The following NCOA7 variants were observed in gnomAD, a reference collection of about 807,000 sequenced individuals.
NCOA7 encodes the protein nuclear receptor coactivator 7.
Under a neutral mutation model 104.3 loss-of-function variants are expected in NCOA7, and 45 were observed. That is an observed-to-expected ratio of 0.43 (90% confidence interval 0.34 to 0.55). NCOA7 has a LOEUF of 0.55. Among genes scored for constraint, NCOA7 ranks in the 20% least tolerant of loss-of-function variants. The probability of loss-of-function intolerance (pLI) is 0.02; values close to 1 mark genes in which losing one functional copy is unlikely to be tolerated. For synonymous variants in NCOA7, 398 were observed against 402.3 expected (o/e 0.99, Z 0.13); for missense variants, 1,041 against 1,119.7 (o/e 0.93, Z 1.00).
In NCOA7 at chr6:125,920,935, C is replaced by T. The variant is rs1309455155; in HGVS notation, c.2245-8C>T. The T allele has an allele frequency of 8.7e-6, 14 of 1,611,394 alleles. No individual in the cohort carries two copies. The highest frequency in any genetic ancestry group is 1.2e-5 in the Non-Finnish European group (14 of 1,178,398). ...AGTTATTTTTCTTGGCTTGTTTTCT[C>T]ATTTCAGATCATCACTGTTGAAGAG... On this transcript the variant is annotated splice_polypyrimidine_tract_variant and splice_region_variant and intron_variant, in intron 11 of 15. Coordinates refer to ENST00000392477, the MANE Select transcript of NCOA7 (RefSeq NM_181782.5).
rs1383619109 is a variant in NCOA7, at chr6:125,830,722, T to C, written c.50+15318T>C. ...GCCCTGTGTCTCTCTCTATATATTT[T>C]ATATATATATATATATGTGTGTGTG... On this transcript the variant is annotated intron_variant, in intron 2 of 15. Transcript: ENST00000392477. Among the ~76,000 whole-genome samples, 9 of 47,686 alleles carry C rather than the reference T, an allele frequency of 1.9e-4. No individual in the cohort carries two copies. The East Asian group carries it at 3.6e-3, about 19-fold the overall frequency. The allele number at this position is 47,686 out of a possible 152,430, so 31.3% of individuals were successfully genotyped here.
chr6:125,831,786 C>G (rs1306785069), intron 2 of NCOA7, among the ~76,000 whole-genome samples: 1 of 152,212 alleles, frequency 6.6e-6, no homozygotes, highest in Non-Finnish European at 1.5e-5. Context: ...GTTAGTTTTC[C>G]TTTGCATTGT....
chr6:125,808,509 TGATCC>T (rs1776669003), intron 1 of NCOA7, among the ~76,000 whole-genome samples: 1 of 152,210 alleles, frequency 6.6e-6, no homozygotes, highest in African/African-American at 2.4e-5. Context: ...TTTCCAAAAG[TGATCC>T]ACTTGTCCTG....
chr6:125,828,200 G>C (rs1778828091), intron 2 of NCOA7, among the ~76,000 whole-genome samples: 1 of 152,222 alleles, frequency 6.6e-6, no homozygotes, highest in South Asian at 2.1e-4. Context: ...TGGTGGTCTA[G>C]TACAGAAAGA....
chr6:125,803,390 T>G (rs1776099680), intron 1 of NCOA7, among the ~76,000 whole-genome samples: 1 of 152,182 alleles, frequency 6.6e-6, no homozygotes, highest in Non-Finnish European at 1.5e-5. Flanking sequence ...TGGGTCCTTT[T>G]TATAGTCACA....
At chr6:125,839,425 T>G (rs1779919858) in intron 2 of NCOA7, among the ~76,000 whole-genome samples, 3 of 152,100 alleles carry the variant, frequency 2.0e-5, no homozygotes, top group African/African-American at 7.2e-5. Flanking sequence ...GCCTAGGCCT[T>G]AGTGATTTAA....
chr6:125,795,981 C>T (rs188000356), intron 1 of NCOA7, among the ~76,000 whole-genome samples: 2 of 152,210 alleles, frequency 1.3e-5, no homozygotes, highest in Admixed American at 6.5e-5. Flanking sequence ...AGTTTCTGCA[C>T]GTGGATAGAG....
intron 1 of NCOA7, among the ~76,000 whole-genome samples, chr6:125,811,165 G>C (rs913755854): frequency 5.3e-5 from 8 of 152,162 alleles, no homozygotes; most frequent in African/African-American, 1.7e-4. Context: ...ATCTTTCCTG[G>C]AGTCTGAGGG....
At position 125,921,210 on chromosome 6, in the gene NCOA7, G is replaced by T. The variant is rs576947053; in HGVS notation, c.2370+142G>T. ...GGATCACTTGAGGTCAGGAGTTTGA[G>T]ACCAGACTGGACAACATGGCAAAAC... On this transcript the variant is annotated intron_variant, in intron 12 of 15. Coordinates refer to ENST00000392477, the MANE Select transcript of NCOA7 (RefSeq NM_181782.5). The T allele has an allele frequency of 3.2e-5, 35 of 1,107,882 alleles. No homozygotes were observed. In the Admixed American group the frequency reaches 9.9e-4, roughly 31 times the overall value. 68.6% of individuals were successfully genotyped at this position (1,107,882 alleles called of 1,614,324 possible).
chr6:125,792,097 A>C (rs985939730), intron 1 of NCOA7, among the ~76,000 whole-genome samples: 7 of 152,202 alleles, frequency 4.6e-5, no homozygotes, highest in African/African-American at 1.7e-4. Context: ...AATCTTCTGC[A>C]TCTTATGCAG....
chr6:125,906,752 G>T (rs1488347797), intron 10 of NCOA7, among the ~76,000 whole-genome samples: 2 of 152,140 alleles, frequency 1.3e-5, no homozygotes, highest in Non-Finnish European at 2.9e-5. Flanking sequence ...AAGGCAGAGG[G>T]ATCAGAAGGG....
chr6:125,832,629 G>A (rs1562859728), intron 2 of NCOA7, among the ~76,000 whole-genome samples: 1 of 152,232 alleles, frequency 6.6e-6, no homozygotes, highest in Admixed American at 6.5e-5. Flanking sequence ...ATGGGGCAGT[G>A]AAGAGCCTTC....
chr6:125,906,129 C>T (rs1785977522), intron 10 of NCOA7, among the ~76,000 whole-genome samples: 1 of 151,964 alleles, frequency 6.6e-6, no homozygotes, highest in South Asian at 2.1e-4. Flanking sequence ...ATGGAAAGGT[C>T]GCAAGGTGGG....
At position 125,791,039 on chromosome 6, in the gene NCOA7, C is replaced by G. The variant is rs1583214227; in HGVS notation, c.-93C>G. ...ATGCGACCGATCCCCTTCTCCCGGA[C>G]CCCAGGAGCCGGCGCCCCCGCCCTG... On this transcript the variant is annotated 5_prime_UTR_variant, in exon 1 of 16. Coordinates refer to ENST00000392477, the MANE Select transcript of NCOA7 (RefSeq NM_181782.5). The G allele has an allele frequency of 6.6e-6, 1 of 152,446 alleles. No homozygotes were observed. The highest frequency in any genetic ancestry group is 1.5e-5 in the Non-Finnish European group (1 of 68,328). The allele number at this position is 152,446 out of a possible 1,614,324, so 9.4% of individuals were successfully genotyped here.
At chr6:125,810,006 G>A (rs956017963) in intron 1 of NCOA7, 8 of 152,150 alleles carry the variant, frequency 5.3e-5, no homozygotes, top group African/African-American at 1.7e-4. Context: ...ACTAGCTGTG[G>A]TACGGCAGTT....
Position 125,782,961 on chromosome 6 carries a change from G to GC in NCOA7, c.-142+1591dup, listed in dbSNP as rs1207381728. ...TTCTTATGAGTGAAAGAGGCGGGGG[G>GC]CAGAGGAGTCAGGTCAGAGTGATGT... On this transcript the variant is annotated intron_variant, in intron 1 of 16. Transcript: ENST00000368357. Among the ~76,000 whole-genome samples, 12 of 152,280 alleles carry GC rather than the reference G, an allele frequency of 7.9e-5. No homozygotes were observed. In the East Asian group the frequency reaches 2.3e-3, roughly 29 times the overall value.
At chr6:125,806,200 G>T (rs1029801150) in intron 1 of NCOA7, among the ~76,000 whole-genome samples, 4 of 152,138 alleles carry the variant, frequency 2.6e-5, no homozygotes, top group Non-Finnish European at 5.9e-5. Context: ...AATTAGCTGG[G>T]CATGGTGGCA....
At chr6:125,810,604 T>G (rs1045738118) in intron 1 of NCOA7, among the ~76,000 whole-genome samples, 43 of 152,224 alleles carry the variant, frequency 2.8e-4, no homozygotes, top group African/African-American at 1.0e-3. Flanking sequence ...AAGCCCATTA[T>G]GACCACTTAT....
intron 4 of NCOA7, among the ~76,000 whole-genome samples, chr6:125,878,031 A>G (rs557894873): frequency 7.4e-4 from 113 of 152,286 alleles, no homozygotes; most frequent in African/African-American, 2.2e-3. Context: ...TTAGAAATCT[A>G]TTAGGGGACA....
Sources: gnomAD v4.1 joint callset for allele counts (sites outside exome capture counted in the v4.1 genomes callset) on GRCh38, gnomAD v4.1.1 for gene constraint, MANE v1.5 for transcripts, NCBI Gene and HGNC (gene_info 2026-07-23, HGNC 2026-07-21) for gene names.